The following NEK10 variants were observed in gnomAD, a reference collection of about 807,000 sequenced individuals.
NEK10 encodes the protein NIMA related kinase 10.
NEK10 carries 122 observed loss-of-function variants against 159.8 expected under a neutral mutation model. The ratio of observed to expected loss-of-function variants is 0.76; its 90% CI spans 0.66 to 0.89. The LOEUF (loss-of-function observed/expected upper bound fraction) is 0.89. NEK10 is among the 40% of genes least tolerant of loss of function. The pLI is 0.00. For missense variants in NEK10, 1,342 were observed against 1,323.1 expected (o/e 1.01, Z -0.22); for synonymous variants, 466 against 457.1 (o/e 1.02, Z -0.25).
intron 22 of NEK10, among the ~76,000 whole-genome samples, chr3:27,271,167 CT>C: frequency 6.6e-6 from 1 of 151,378 alleles, no homozygotes; most frequent in East Asian, 1.9e-4. Flanking sequence ...ATCTATCTAT[CT>C]ATCTATCTAT....
Position 27,192,033 on chromosome 3 carries a change from G to C in NEK10, c.2501C>G (p.Ser834Cys), listed in dbSNP as rs770436938. ...GATTGAAATATTTGCACTTACGTGA[G>C]ATAGAACAGCCAGCTCATGGTGACA... ...VTCHHELAVL[S>C]HETFEKASLS... is the part of the protein sequence containing the mutation. The change falls in exon 26 of 36, where the codon TCT becomes TGT. Residue 834 changes from serine to cysteine, a missense_variant. By Grantham distance (112) the Ser-to-Cys change is moderately radical. Coordinates refer to ENST00000691995, the MANE Select transcript of NEK10 (RefSeq NM_001394966.1). The C allele has an allele frequency of 5.6e-6, 9 of 1,613,938 alleles. 1 individual carries two copies. In the East Asian group the frequency reaches 8.9e-5, roughly 16 times the overall value.
At chr3:27,154,499 G>C (rs946979295) in intron 30 of NEK10, among the ~76,000 whole-genome samples, 7 of 152,004 alleles carry the variant, frequency 4.6e-5, no homozygotes, top group African/African-American at 1.7e-4. Flanking sequence ...AATCAAAAAA[G>C]AAAACTATAG....
intron 25 of NEK10, 46 bp downstream of exon 25, chr3:27,201,464 T>C: frequency 7.0e-7 from 1 of 1,436,520 alleles, no homozygotes; most frequent in Non-Finnish European, 9.8e-7. Context: ...AGAAATGAGG[T>C]ATTTCTTGAT....
At chr3:27,331,714 T>C (rs1258701641) in intron 5 of NEK10, among the ~76,000 whole-genome samples, 2 of 152,212 alleles carry the variant, frequency 1.3e-5, no homozygotes, top group African/African-American at 2.4e-5. Flanking sequence ...ATTAATCCTC[T>C]TGGTTATAAG....
At chr3:27,286,321 C>T (rs775362204) in intron 20 of NEK10, among the ~76,000 whole-genome samples, 2 of 151,448 alleles carry the variant, frequency 1.3e-5, no homozygotes, top group Non-Finnish European at 2.9e-5. Context: ...TTCCTGACCT[C>T]GTGATCGGCC....
intron 23 of NEK10, among the ~76,000 whole-genome samples, chr3:27,204,127 T>C (rs1346224169): frequency 1.3e-5 from 2 of 152,082 alleles, no homozygotes; most frequent in African/African-American, 2.4e-5. Context: ...TTCCAAAAGA[T>C]CACAAAGCAC....
intron 23 of NEK10, among the ~76,000 whole-genome samples, chr3:27,218,519 C>T (rs994898951): frequency 1.1e-4 from 17 of 151,228 alleles, no homozygotes; most frequent in Middle Eastern, 3.2e-3. Context: ...GCAGGAGAAT[C>T]CCTTGAACCT....
At chr3:27,174,926 A>G (rs1275970169) in intron 26 of NEK10, 93 bp from the exon 27 acceptor site, 1 of 1,031,092 alleles carries the variant, frequency 9.7e-7, no homozygotes. Flanking sequence ...AACTGCTTCA[A>G]ATATCAATAT....
chr3:27,158,714 T>C (rs998617696), intron 30 of NEK10, among the ~76,000 whole-genome samples: 2 of 152,186 alleles, frequency 1.3e-5, no homozygotes, highest in Admixed American at 6.5e-5. Context: ...TCAGTGTTAA[T>C]CCAGTCAAAT....
intron 23 of NEK10, chr3:27,215,107 C>G (rs551245393): frequency 2.0e-5 from 9 of 445,456 alleles, no homozygotes; most frequent in African/African-American, 1.8e-4. Context: ...TCTTTAAAAG[C>G]ATTACCCTTG....
chr3:27,218,152 C>T (rs1951715793), intron 23 of NEK10, among the ~76,000 whole-genome samples: 1 of 152,180 alleles, frequency 6.6e-6, no homozygotes, highest in Non-Finnish European at 1.5e-5. Flanking sequence ...AGCAGATTCA[C>T]ATCCCAGGTG....
intron 6 of NEK10, among the ~76,000 whole-genome samples, chr3:27,317,585 T>C (rs1417384783): frequency 6.6e-6 from 1 of 152,180 alleles, no homozygotes; most frequent in Non-Finnish European, 1.5e-5. Context: ...GTAAAAAGTA[T>C]GTTTTTAAGA....
intron 22 of NEK10, among the ~76,000 whole-genome samples, chr3:27,282,899 C>T (rs748061329): frequency 6.6e-6 from 1 of 151,160 alleles, no homozygotes; most frequent in Non-Finnish European, 1.5e-5. Flanking sequence ...CATAAAAAGC[C>T]TAAGGTAAAC....
At chr3:27,175,679 C>T (rs749017868) in intron 26 of NEK10, among the ~76,000 whole-genome samples, 16 of 152,154 alleles carry the variant, frequency 1.1e-4, no homozygotes, top group Non-Finnish European at 2.2e-4. Flanking sequence ...TGGGACTATT[C>T]GCAGCAAGCG....
rs11129280 is a variant in NEK10, at chr3:27,284,606, G to T, written c.2010C>A (p.Thr670=). The T allele has an allele frequency of 0.24, 370,591 of 1,521,790 alleles. 47,936 individuals are homozygous for T. The highest frequency in any genetic ancestry group is 0.39 in the Middle Eastern group (2,278 of 5,834). The allele number at this position is 1,521,790 out of a possible 1,614,324, so 94.3% of individuals were successfully genotyped here. The change falls in exon 22 of 36, where the codon ACC becomes ACA. Residue 670 remains threonine, a synonymous_variant. Transcript: ENST00000691995. ...TTTAAAAATCTTTATACTTACTAACGGTTACTTTGTCCTTATCCCCCAACA... is the reference window on the plus strand; with the variant it reads ...TTTAAAAATCTTTATACTTACTAACTGTTACTTTGTCCTTATCCCCCAACA... ...NIMLGDKDKV[T]VTDFGLAKQK... is the part of the protein sequence containing the mutation.
rs1301057200 is a variant in NEK10 at position 27,290,761 on chromosome 3, T to C, written c.1606-7A>G. The C allele has an allele frequency of 6.3e-6, 10 of 1,584,632 alleles. No homozygotes were observed. The highest frequency in any genetic ancestry group is 6.9e-6 in the Non-Finnish European group (8 of 1,167,194). On this transcript the variant is annotated splice_polypyrimidine_tract_variant and splice_region_variant and intron_variant, in intron 18 of 35. Transcript: ENST00000691995. ...GACCACTATGCTTTCTAACCTAAAA[T>C]AAAGAAAAACACAACAACAACAAAA...
chr3:27,174,980 C>T, intron 26 of NEK10, 147 bp from the exon 27 acceptor site: 1 of 617,138 alleles, frequency 1.6e-6, no homozygotes, highest in Non-Finnish European at 2.7e-6. Flanking sequence ...CACCTATACA[C>T]CTGTTACAGA....
intron 5 of NEK10, among the ~76,000 whole-genome samples, chr3:27,338,647 T>C (rs1462307044): frequency 6.6e-6 from 1 of 152,268 alleles, no homozygotes; most frequent in African/African-American, 2.4e-5. Context: ...TATCTCATTG[T>C]GGTTTTGATT....
At chr3:27,208,610 G>A (rs968302809) in intron 23 of NEK10, among the ~76,000 whole-genome samples, 1 of 152,186 alleles carries the variant, frequency 6.6e-6, no homozygotes, top group African/African-American at 2.4e-5. Context: ...AAAGAGAAGG[G>A]AAAGATGATC....
Sources: allele counts gnomAD v4.1 joint callset (sites outside exome capture counted in the v4.1 genomes callset), GRCh38; gene constraint gnomAD v4.1.1; transcripts MANE v1.5; gene names NCBI Gene and HGNC (gene_info 2026-07-23, HGNC 2026-07-21).